SLC26A4: variants seen among roughly 807,000 people sequenced by gnomAD.
SLC26A4 encodes pendrin.
In SLC26A4, 93 loss-of-function variants were observed where a neutral mutation model predicts 90.4. That is an observed-to-expected ratio of 1.03 (90% CI 0.87 to 1.22). The LOEUF (loss-of-function observed/expected upper bound fraction) is 1.22, where lower values mean the gene tolerates loss of function less well. SLC26A4 is among the 50% of genes most tolerant of loss of function. SLC26A4 has a pLI of 0.00. For synonymous variants in SLC26A4, 393 were observed against 354.6 expected (o/e 1.11, Z -1.22); for missense variants, 1,127 against 946.2 (o/e 1.19, Z -2.51).
chr7:107,696,851 G>T (rs776186061), intron 13 of SLC26A4, among the ~76,000 whole-genome samples: 4 of 152,136 alleles, frequency 2.6e-5, no homozygotes, highest in South Asian at 4.1e-4. Flanking sequence ...TGTGTCCATC[G>T]TCTTTCCAGA....
At chr7:107,701,049 A>C in intron 15 of SLC26A4, 52 bp from the exon 16 acceptor site, 1 of 1,064,696 alleles carries the variant, frequency 9.4e-7, no homozygotes, top group East Asian at 2.4e-5. Flanking sequence ...AGTTGCCATT[A>C]ATAAGCTTTA....
intron 15 of SLC26A4, among the ~76,000 whole-genome samples, chr7:107,700,856 G>T (rs1301413925): frequency 6.6e-6 from 1 of 152,114 alleles, no homozygotes; most frequent in African/African-American, 2.4e-5. Flanking sequence ...GTGTGTGTGT[G>T]TTTCTGTTTT....
At position 107,674,179 on chromosome 7, in the gene SLC26A4, T is replaced by C. The variant is rs772023020; in HGVS notation, c.431T>C (p.Val144Ala). The change falls in exon 5 of 21, where the codon GTG becomes GCG. Residue 144 changes from valine (V) to alanine (A), a missense_variant. By Grantham distance (64) the Val-to-Ala change is moderately conservative (BLOSUM62 0). Coordinates refer to ENST00000644269, the MANE Select transcript of SLC26A4 (RefSeq NM_000441.2). Reference protein sequence around the residue: ...RHISVGPFPVVSLMVGSVVLS... With the variant: ...RHISVGPFPVASLMVGSVVLS... ...TTTTCCCCAGGACCTTTTCCAGTGG[T>C]GAGTTTAATGGTGGGATCTGTTGTT... The C allele has an allele frequency of 1.2e-5, 19 of 1,611,658 alleles. No individual in the cohort carries two copies. Among genetic ancestry groups the C allele is most frequent in the Non-Finnish European group, 1.5e-5 (18 of 1,177,972 alleles).
Position 107,686,435 on chromosome 7 carries a change from TTCTTTC to T in SLC26A4, c.1002-2616_1002-2611del, listed in dbSNP as rs1300278514. On this transcript the variant is annotated intron_variant, in intron 8 of 20. Transcript: ENST00000644269. ...TTTCTTTCTTTCTTTCTTTCTTTCT[TTCTTTC>T]TTTCTTTCTTTCTTTTCTTTCTTTC... 3.2e-3 allele frequency among the ~76,000 whole-genome samples: 289 copies of T among 90,184 alleles called. 4 individuals are homozygous for T. The highest frequency in any genetic ancestry group is 0.016 in the African/African-American group (272 of 16,960). The allele number at this position is 90,184 out of a possible 152,430, so 59.2% of individuals were successfully genotyped here. A position where few individuals can be genotyped will look rare whatever the true frequency, so the allele number is the denominator to read the frequency against.
chr7:107,671,454 C>T (rs912020543), intron 3 of SLC26A4, among the ~76,000 whole-genome samples: 5 of 152,186 alleles, frequency 3.3e-5, no homozygotes, highest in African/African-American at 1.2e-4. Flanking sequence ...GGACACCAGG[C>T]CTGACCAAGT....
At position 107,672,255 on chromosome 7, in the gene SLC26A4, A is replaced by G. The variant is rs765884316; in HGVS notation, c.415+7A>G. The G allele has an allele frequency of 1.3e-6, 2 of 1,517,218 alleles. No individual in the cohort carries two copies. Among genetic ancestry groups the G allele is most frequent in the Admixed American group, 3.3e-5 (2 of 59,884 alleles). 94.0% of individuals were successfully genotyped at this position (1,517,218 alleles called of 1,614,324 possible). ...TCAAGACATATCTCAGTTGGTAATT[A>G]TAAGTATATTTTACAATTATATTTG... On this transcript the variant is annotated splice_region_variant and intron_variant, in intron 4 of 20. Transcript: ENST00000644269.
intron 3 of SLC26A4, among the ~76,000 whole-genome samples, chr7:107,669,595 A>G (rs1790810379): frequency 6.6e-6 from 1 of 152,158 alleles, no homozygotes; most frequent in Admixed American, 6.5e-5. Context: ...TGTAATTTAC[A>G]TATTAAAACA....
At chr7:107,675,206 C>G in intron 6 of SLC26A4, 97 bp downstream of exon 6, 1 of 1,221,248 alleles carries the variant, frequency 8.2e-7, no homozygotes, top group South Asian at 1.2e-5. Context: ...TGGCTCACAC[C>G]TGTAATCCCA....
intron 5 of SLC26A4, 37 bp from the exon 6 acceptor site, chr7:107,674,908 C>G: frequency 5.6e-6 from 9 of 1,601,780 alleles, no homozygotes; most frequent in Non-Finnish European, 7.7e-6. Flanking sequence ...CTATCTCAGG[C>G]AAACATTTAA....
At chr7:107,689,801 T>G (rs542350044) in intron 9 of SLC26A4, among the ~76,000 whole-genome samples, 1 of 152,338 alleles carries the variant, frequency 6.6e-6, no homozygotes, top group South Asian at 2.1e-4. Context: ...ATAGTGAATA[T>G]TCAACCACAG....
At chr7:107,711,321 C>A (rs371544881) in intron 19 of SLC26A4, among the ~76,000 whole-genome samples, 1 of 152,072 alleles carries the variant, frequency 6.6e-6, no homozygotes, top group African/African-American at 2.4e-5. Context: ...TAAAACAGAA[C>A]CAAGGTATCA....
At chr7:107,681,644 A>G (rs1791232684) in intron 6 of SLC26A4, among the ~76,000 whole-genome samples, 1 of 152,200 alleles carries the variant, frequency 6.6e-6, no homozygotes, top group Non-Finnish European at 1.5e-5. Context: ...TGCCTTCTAC[A>G]GGACTGAAGT....
chr7:107,666,973 A>G (rs1276308221), intron 3 of SLC26A4, among the ~76,000 whole-genome samples: 1 of 152,254 alleles, frequency 6.6e-6, no homozygotes, highest in Non-Finnish European at 1.5e-5. Context: ...ATTGTGCAGC[A>G]AGAATCACTG....
chr7:107,664,809 C>T (rs1203070213), intron 3 of SLC26A4, among the ~76,000 whole-genome samples: 1 of 152,134 alleles, frequency 6.6e-6, no homozygotes, highest in South Asian at 2.1e-4. Context: ...CCCCTATCCC[C>T]ACCATCTCGT....
Position 107,689,245 on chromosome 7 carries a change from A to C in SLC26A4, c.1149+45A>C, listed in dbSNP as rs1266834568. On this transcript the variant is annotated intron_variant, in intron 9 of 20. Transcript: ENST00000644269. ...GAACTGGTTTTATAGGGCTGGAAAC[A>C]GGAAAAAAACATAAATGGAAAAGAT... is the stretch of plus-strand genomic sequence containing the variant. The C allele has an allele frequency of 1.9e-6, 3 of 1,603,010 alleles. No homozygotes were observed. In the African/African-American group the frequency reaches 4.0e-5, roughly 21 times the overall value.
intron 6 of SLC26A4, among the ~76,000 whole-genome samples, chr7:107,677,307 T>C (rs1791051449): frequency 6.6e-6 from 1 of 152,234 alleles, no homozygotes. Flanking sequence ...TATACTCAAC[T>C]TCCCTAAGCC....
intron 13 of SLC26A4, 78 bp from the exon 14 acceptor site, chr7:107,697,964 A>G (rs1457756702): frequency 1.2e-6 from 1 of 868,266 alleles, no homozygotes; most frequent in African/African-American, 1.7e-5. Flanking sequence ...TGGGCTCTTT[A>G]GTAGCTGTTG....
In SLC26A4 at chr7:107,674,291, A is replaced by T. The variant is rs529320153; in HGVS notation, c.543A>T (p.Arg181Ser). 1 of 1,614,018 alleles carries T rather than the reference A, an allele frequency of 6.2e-7. No individual in the cohort carries two copies. The highest frequency in any genetic ancestry group is 1.1e-5 in the South Asian group (1 of 91,072). Residue 181 changes from arginine (R) to serine (S), a missense_variant, in exon 5 of 21, where the codon AGA becomes AGT. Arg to Ser is a moderately radical substitution (Grantham distance 110). Coordinates refer to ENST00000644269, the MANE Select transcript of SLC26A4 (RefSeq NM_000441.2). The part of the protein sequence containing the change: ...LNTTMIDTAA[R>S]DTARVLIASA... Reference sequence around the variant, plus strand: ...CTACTATGATAGACACTGCAGCTAGAGATACAGCTAGAGTCCTGATTGCCA... The same window carrying T: ...CTACTATGATAGACACTGCAGCTAGTGATACAGCTAGAGTCCTGATTGCCA...
intron 20 of SLC26A4, among the ~76,000 whole-genome samples, chr7:107,713,782 G>C (rs1792262418): frequency 6.6e-6 from 1 of 152,044 alleles, no homozygotes; most frequent in South Asian, 2.1e-4. Context: ...TACAAGCTAT[G>C]GTCTAGTAGA....
Sources: allele counts gnomAD v4.1 joint callset (sites outside exome capture counted in the v4.1 genomes callset), GRCh38; gene constraint gnomAD v4.1.1; transcripts MANE v1.5; gene names NCBI Gene and HGNC (gene_info 2026-07-23, HGNC 2026-07-21).